The following RYR2 variants were observed in gnomAD, a reference collection of about 807,000 sequenced individuals.
The protein encoded by RYR2 is cardiac muscle ryanodine receptor-calcium release channel.
A neutral mutation model predicts 601.1 loss-of-function variants in RYR2; 227 were observed. The ratio of observed to expected loss-of-function variants is 0.38; its 90% CI spans 0.34 to 0.42. RYR2 has a LOEUF of 0.42. Among genes scored for constraint, RYR2 ranks in the 10% least tolerant of loss-of-function variants. The pLI is 1.00. For synonymous variants in RYR2, 2,223 were observed against 2,175.1 expected (o/e 1.02, Z -0.61); for missense variants, 4,646 against 6,156.5 (o/e 0.75, Z 8.21).
intron 16 of RYR2, among the ~76,000 whole-genome samples, chr1:237,468,366 C>A (rs1660316020): frequency 6.6e-6 from 1 of 152,076 alleles, no homozygotes; most frequent in Non-Finnish European, 1.5e-5. Context: ...AGTGTATAAA[C>A]TAGGCTGAAA....
intron 2 of RYR2, among the ~76,000 whole-genome samples, chr1:237,279,500 T>G (rs1234967779): frequency 6.6e-6 from 1 of 152,168 alleles, no homozygotes; most frequent in South Asian, 2.1e-4. Context: ...ATTAAATCAA[T>G]TAATTAAATC....
intron 1 of RYR2, among the ~76,000 whole-genome samples, chr1:237,233,344 TCTTGCAGTTTCTC>T (rs1283776078): frequency 6.6e-6 from 1 of 152,194 alleles, no homozygotes; most frequent in African/African-American, 2.4e-5. Flanking sequence ...GCTTTTTCCT[TCTTGCAGTTTCTC>T]CTTGCACAAG....
chr1:237,461,487 T>C (rs1659474878), intron 16 of RYR2, among the ~76,000 whole-genome samples: 1 of 152,128 alleles, frequency 6.6e-6, no homozygotes, highest in African/African-American at 2.4e-5. Context: ...CTCTAAACTC[T>C]CTGTATTGCG....
In RYR2 at chr1:237,783,793, G is replaced by A. The variant is rs1695321287; in HGVS notation, c.12081G>A (p.Thr4027=). Residue 4027 remains threonine, a synonymous_variant, in exon 90 of 105, where the codon ACG becomes ACA. Transcript: ENST00000366574. The part of the protein sequence containing the change: ...FDMFLKLKDL[T]SSDTFKEYDP... ...TGTTCTTAAAACTAAAGGATTTGACGTCGTCTGATACTTTTAAAGAATATG... is the reference window on the plus strand; with the variant it reads ...TGTTCTTAAAACTAAAGGATTTGACATCGTCTGATACTTTTAAAGAATATG... 3.1e-6 allele frequency: 5 copies of A among 1,613,442 alleles called. No homozygotes were observed. The highest frequency in any genetic ancestry group is 4.2e-6 in the Non-Finnish European group (5 of 1,179,682).
rs566232488 is a variant in RYR2 at position 237,562,174 on chromosome 1, A to G, written c.3215-4393A>G. Among the ~76,000 whole-genome samples the G allele has an allele frequency of 1.4e-3, 216 of 152,348 alleles. 2 individuals are homozygous for G. Among genetic ancestry groups the G allele is most frequent in the African/African-American group, 4.9e-3 (204 of 41,586 alleles). On this transcript the variant is annotated intron_variant, in intron 27 of 104. Transcript: ENST00000366574. The stretch of plus-strand genomic sequence containing the variant: ...TAGTATCTTTGGAGTACTGTTGTCA[A>G]TAATATTTTAAAGCATTTGAAAATG...
chr1:237,482,067 A>G (rs1271718167), intron 17 of RYR2, among the ~76,000 whole-genome samples: 1 of 152,164 alleles, frequency 6.6e-6, no homozygotes, highest in East Asian at 1.9e-4. Context: ...AGTACATAGT[A>G]GGTGTATATA....
chr1:237,574,030 T>C lies in RYR2; in HGVS notation c.3598+4711T>C, dbSNP rs377633189. 8.5e-5 allele frequency among the ~76,000 whole-genome samples: 13 copies of C among 152,234 alleles called. 1 individual carries two copies. The East Asian group carries it at 1.9e-3, about 23-fold the overall frequency. The stretch of plus-strand genomic sequence containing the variant: ...TACATGGTCAAGATCAAGAGCATTG[T>C]TGAACTAGAGTGAAATTCCACTAGA... On this transcript the variant is annotated intron_variant, in intron 29 of 104. Coordinates refer to ENST00000366574, the MANE Select transcript of RYR2 (RefSeq NM_001035.3).
intron 22 of RYR2, among the ~76,000 whole-genome samples, chr1:237,505,898 T>G (rs181500032): frequency 6.6e-6 from 1 of 152,336 alleles, no homozygotes; most frequent in African/African-American, 2.4e-5. Context: ...AAGATTTTGT[T>G]TCTTTTCTGT....
rs187600046 is a variant in RYR2 at position 237,449,475 on chromosome 1, T to C, written c.1292+3953T>C. 1.6e-4 allele frequency among the ~76,000 whole-genome samples: 25 copies of C among 152,318 alleles called. No individual in the cohort carries two copies. In the East Asian group the frequency reaches 2.7e-3, roughly 16 times the overall value. Reference sequence around the variant, plus strand: ...TTTATAGATGTTATTAATTCCACACTATATTTTTATTTAAAATCAATTAGT... The same window carrying C: ...TTTATAGATGTTATTAATTCCACACCATATTTTTATTTAAAATCAATTAGT... On this transcript the variant is annotated intron_variant, in intron 14 of 104. Transcript: ENST00000366574.
chr1:237,582,428 A>G (rs2148379861), intron 29 of RYR2, among the ~76,000 whole-genome samples: 1 of 152,232 alleles, frequency 6.6e-6, no homozygotes, highest in African/African-American at 2.4e-5. Context: ...TTAAAAAAAA[A>G]AAAAAAAATC....
chr1:237,424,963 G>T (rs1480245850), intron 12 of RYR2, among the ~76,000 whole-genome samples: 1 of 152,022 alleles, frequency 6.6e-6, no homozygotes, highest in Admixed American at 6.6e-5. Flanking sequence ...CATTAATTTT[G>T]CTAATTATGA....
At chr1:237,352,380 A>G (rs1265440621) in intron 3 of RYR2, among the ~76,000 whole-genome samples, 1 of 152,152 alleles carries the variant, frequency 6.6e-6, no homozygotes, top group Non-Finnish European at 1.5e-5. Flanking sequence ...ACCTAGGAAT[A>G]ACTCTAATAC....
chr1:237,161,001 G>T (rs1464136361), intron 1 of RYR2, among the ~76,000 whole-genome samples: 2 of 152,052 alleles, frequency 1.3e-5, no homozygotes, highest in Non-Finnish European at 2.9e-5. Flanking sequence ...TTCTTTACAG[G>T]AATTTAAGAA....
At position 237,520,661 on chromosome 1, in the gene RYR2, C is replaced by T. The variant is rs116541149; in HGVS notation, c.2822+8870C>T. Among the ~76,000 whole-genome samples the T allele has an allele frequency of 8.2e-3, 1,245 of 152,234 alleles. 19 individuals are homozygous for T. Among genetic ancestry groups the T allele is most frequent in the African/African-American group, 0.028 (1,164 of 41,548 alleles). ...GTGTCCCTGATAAAAACCCACTTAACTCCTGAAAACATGCAGCCTCCCTCC... is the reference window on the plus strand; with the variant it reads ...GTGTCCCTGATAAAAACCCACTTAATTCCTGAAAACATGCAGCCTCCCTCC... On this transcript the variant is annotated intron_variant, in intron 24 of 104. Coordinates refer to ENST00000366574, the MANE Select transcript of RYR2 (RefSeq NM_001035.3).
chr1:237,273,956 C>A (rs376546521), intron 2 of RYR2, among the ~76,000 whole-genome samples: 4 of 143,748 alleles, frequency 2.8e-5, no homozygotes, highest in Middle Eastern at 3.5e-3. Context: ...TATTATATAA[C>A]GCATATATTA....
intron 17 of RYR2, among the ~76,000 whole-genome samples, chr1:237,470,207 C>G (rs1660560690): frequency 6.6e-6 from 1 of 152,152 alleles, no homozygotes; most frequent in Non-Finnish European, 1.5e-5. Flanking sequence ...ATCTACCATA[C>G]CATCTGGCAC....
intron 82 of RYR2, among the ~76,000 whole-genome samples, chr1:237,758,013 C>T (rs1693099250): frequency 6.6e-6 from 1 of 152,094 alleles, no homozygotes; most frequent in Non-Finnish European, 1.5e-5. Context: ...TTTATCATGT[C>T]AAATGAATTC....
chr1:237,297,731 A>G (rs760985188), intron 2 of RYR2, among the ~76,000 whole-genome samples: 4 of 151,558 alleles, frequency 2.6e-5, no homozygotes, highest in Non-Finnish European at 4.4e-5. Context: ...GACTTCTTTG[A>G]AAAGGCCATG....
intron 1 of RYR2, among the ~76,000 whole-genome samples, chr1:237,142,679 C>T (rs1673514208): frequency 6.6e-6 from 1 of 152,186 alleles, no homozygotes; most frequent in Non-Finnish European, 1.5e-5. Context: ...ATGTCATAGA[C>T]TTTGATCTCG....
Sources: allele counts gnomAD v4.1 joint callset (sites outside exome capture counted in the v4.1 genomes callset), GRCh38; gene constraint gnomAD v4.1.1; transcripts MANE v1.5; gene names NCBI Gene and HGNC (gene_info 2026-07-23, HGNC 2026-07-21).